Variants in FASN observed in about 807,000 individuals in gnomAD.
The protein encoded by FASN is fatty acid synthase.
FASN carries 50 observed loss-of-function variants against 250.0 expected under a neutral mutation model. The observed-to-expected ratio is 0.20, with a 90% confidence interval of 0.16 to 0.25. FASN has a LOEUF of 0.25. Among genes scored for constraint, FASN ranks in the 10% least tolerant of loss-of-function variants. The pLI, the probability that FASN is intolerant of heterozygous loss-of-function variation, is 1.00. For synonymous variants in FASN, 1,909 were observed against 1,584.0 expected, an observed-to-expected ratio of 1.21 and a Z score of -4.87; for missense variants, 3,031 against 3,498.5, an observed-to-expected ratio of 0.87 and a Z score of 3.37.
intron 41 of FASN, 46 bp from the exon 42 acceptor site, chr17:82,079,654 C>A (rs369808042): frequency 6.3e-7 from 1 of 1,593,818 alleles, no homozygotes; most frequent in Non-Finnish European, 8.5e-7. Context: ...CCCACAGCAC[C>A]GGCCTGCCCT....
chr17:82,091,120 T>C (rs370619504), intron 9 of FASN, 51 bp from the exon 10 acceptor site: 326 of 1,605,930 alleles, frequency 2.0e-4, no homozygotes, highest in Non-Finnish European at 2.6e-4. Context: ...TGCCACTGTG[T>C]GCCCATCCCC....
At position 82,091,624 on chromosome 17, in the gene FASN, G is replaced by T; in HGVS notation, c.1090C>A (p.Pro364Thr). Residue 364 changes from proline (P) to threonine (T), a missense_variant, in exon 9 of 43, where the codon CCT (proline) becomes ACT (threonine). Physicochemically the swap from Pro to Thr is conservative, Grantham distance 38. Coordinates refer to ENST00000306749, the MANE Select transcript of FASN (RefSeq NM_004104.5). ...CCATCCAACAGCGCTGGGATCTCAG[G>T]GTTGGGGCTATGGAAGTGCAGGTTG... ...APNLHFHSPN[P>T]EIPALLDGRL... The T allele has an allele frequency of 6.3e-7, 1 of 1,597,112 alleles. No individual in the cohort carries two copies. The highest frequency in any genetic ancestry group is 8.5e-7 in the Non-Finnish European group (1 of 1,173,604).
In FASN at chr17:82,093,203, G is replaced by A. The variant is rs377395035; in HGVS notation, c.655+16C>T. Reference sequence around the variant, plus strand: ...CCACTGTCCCGCCTGCCCTGGCCGCGCAGCCGCACACTCACCCGCTGTGTC... The same window carrying A: ...CCACTGTCCCGCCTGCCCTGGCCGCACAGCCGCACACTCACCCGCTGTGTC... On this transcript the variant is annotated intron_variant, in intron 5 of 42. Coordinates refer to ENST00000306749, the MANE Select transcript of FASN (RefSeq NM_004104.5). 86 of 1,564,088 alleles carry A rather than the reference G, an allele frequency of 5.5e-5. 1 individual carries two copies. Among genetic ancestry groups the A allele is most frequent in the Admixed American group, 4.9e-4 (26 of 52,866 alleles).
rs1250412783 is a variant in FASN at position 82,083,754 on chromosome 17, G to A, written c.5218+18C>T. On this transcript the variant is annotated intron_variant, in intron 30 of 42. Transcript: ENST00000306749. ...GAGGCTAGGCAGGAGGCAGGTGGGG[G>A]CTGTGGGGGCCACTCACCCTTCCCG... is the stretch of plus-strand genomic sequence containing the variant. 3 of 1,611,106 alleles carry A rather than the reference G, an allele frequency of 1.9e-6. No homozygotes were observed. The highest frequency in any genetic ancestry group is 4.5e-5 in the East Asian group (2 of 44,862).
At chr17:82,095,061 ACCAGCC>A (rs936364164) in intron 3 of FASN, among the ~76,000 whole-genome samples, 1 of 152,164 alleles carries the variant, frequency 6.6e-6, no homozygotes, top group African/African-American at 2.4e-5. Flanking sequence ...CGGCCCCAGC[ACCAGCC>A]AGACATCAGA....
chr17:82,081,261 C>T lies in FASN; in HGVS notation c.6498G>A (p.Leu2166=). The T allele has an allele frequency of 6.4e-7, 1 of 1,572,110 alleles. No individual in the cohort carries two copies. The highest frequency in any genetic ancestry group is 8.6e-7 in the Non-Finnish European group (1 of 1,159,092). Residue 2166 remains leucine (L), a synonymous_variant, in exon 38 of 43, where the codon CTG becomes CTA. Coordinates refer to ENST00000306749, the MANE Select transcript of FASN (RefSeq NM_004104.5). ...ACAGCACCAGGTTGAGCTCACGCTC[C>T]AGCGTCTGGCGCACCTCCACGCTCA... The part of the protein sequence containing the change: ...SLMSVEVRQT[L]ERELNLVLSV...
chr17:82,084,825 GC>G lies in FASN; in HGVS notation c.4537del (p.Ala1513LeufsTer21), dbSNP rs996569586. 1.9e-6 allele frequency: 3 copies of G among 1,550,218 alleles called. No individual in the cohort carries two copies. On this transcript the variant is annotated frameshift_variant, in exon 26 of 43. Transcript: ENST00000306749. LOFTEE classifies it high-confidence loss of function. ...CTCCTCCAGCAGGAAGTGGCGGAAA[GC>G]CCCCCAGGCCCCGTCGCGGTAGACG... ...MNVYRDGAWG[A>X]FRHFLLEEDK...
rs143566258 is a variant in FASN, at chr17:82,084,664, C to G, written c.4617G>C (p.Gly1539=). The change falls in exon 27 of 43, where the codon GGG becomes GGC. Residue 1539 remains glycine, a synonymous_variant. Transcript: ENST00000306749. ...AGACCCAGCGGATGGAGGACAGGTC[C>G]CCCCGGGTGAGGGTGCTCACAAAGG... ...AHAFVSTLTR[G]DLSSIRWVCS... The G allele has an allele frequency of 1.2e-3, 1,865 of 1,588,948 alleles. 17 individuals carry two copies. In the African/African-American group the frequency reaches 0.022, roughly 19 times the overall value.
rs771582481 is a variant in FASN at position 82,085,723 on chromosome 17, T to C, written c.3881A>G (p.Gln1294Arg). 8.3e-6 allele frequency: 13 copies of C among 1,566,360 alleles called. No homozygotes were observed. The East Asian group carries it at 2.9e-4, about 34-fold the overall frequency. ...QAELQQHDVA[Q>R]GQWDPADPAP... ...AGGGTCTGCGGGATCCCACTGGCCC[T>C]GGGCAACGTCGTGCTGCTGCAGCTC... is the stretch of plus-strand genomic sequence containing the variant. The change falls in exon 23 of 43, where the codon CAG (glutamine) becomes CGG (arginine). Residue 1294 changes from glutamine to arginine, a missense_variant. Transcript: ENST00000306749.
At chr17:82,082,783 C>T in intron 33 of FASN, 105 bp from the exon 34 acceptor site, 5 of 1,544,388 alleles carry the variant, frequency 3.2e-6, no homozygotes, top group Non-Finnish European at 4.4e-6. Flanking sequence ...ATCCAGCAAG[C>T]CCCCCACAAG....
At chr17:82,092,834 G>A (rs373152884) in intron 6 of FASN, 22 bp from the exon 7 acceptor site, 3 of 1,585,648 alleles carry the variant, frequency 1.9e-6, no homozygotes, top group East Asian at 4.6e-5. Context: ...TCGGCTCAGT[G>A]CTGCAGCCCC....
At chr17:82,083,161 A>G (rs1046306896) in intron 32 of FASN, 41 bp downstream of exon 32, 1 of 1,611,050 alleles carries the variant, frequency 6.2e-7, no homozygotes, top group Admixed American at 1.7e-5. Flanking sequence ...CCTGGGGACC[A>G]GAGCCTGGGG....
chr17:82,081,384 G>C (rs1598573051), intron 37 of FASN, 32 bp from the exon 38 acceptor site: 2 of 1,560,364 alleles, frequency 1.3e-6, no homozygotes, highest in African/African-American at 2.7e-5. Flanking sequence ...GGCAACTCCA[G>C]AGGGGGCATG....
Position 82,089,098 on chromosome 17 carries a change from G to A in FASN, c.2175C>T (p.Ser725=), listed in dbSNP as rs201439543. ...TSIPEAQWHS[S]LARTSSAEYN... is the part of the protein sequence containing the mutation. ...ACTCGGCGGAGGACGTGCGTGCCAG[G>A]CTGCTGTGCCACTGGGCCTCGGGGA... Residue 725 remains serine (S), a synonymous_variant, in exon 14 of 43, where the codon AGC becomes AGT. Transcript: ENST00000306749. 10 of 1,572,412 alleles carry A rather than the reference G, an allele frequency of 6.4e-6. No homozygotes were observed. The Admixed American group carries it at 1.9e-4, about 29-fold the overall frequency.
Position 82,090,496 on chromosome 17 carries a change from C to T in FASN, c.1749G>A (p.Gly583=), listed in dbSNP as rs757321778. ...RPDGIVGHSL[G]EVACGYADGC... is the part of the protein sequence containing the mutation. ...CGTCGGCGTAGCCACAGGCCACCTC[C>T]CCCAGGGAGTGGCCGACGATGCCAT... The change falls in exon 11 of 43, where the codon GGG becomes GGA. Residue 583 remains glycine, a synonymous_variant. Coordinates refer to ENST00000306749, the MANE Select transcript of FASN (RefSeq NM_004104.5). 5 of 1,611,260 alleles carry T rather than the reference C, an allele frequency of 3.1e-6. No homozygotes were observed. In the East Asian group the frequency reaches 8.9e-5, roughly 29 times the overall value.
In FASN at chr17:82,088,851, G is replaced by C. The variant is rs554712541; in HGVS notation, c.2330C>G (p.Pro777Arg). ...LQAVLKRGLK[P>R]SCTIIPLMKK... ...CATCAGGGGGATGATGGTGCAGCTC[G>C]GCTTCAGGCCACGCTTCAGGACAGC... Residue 777 changes from proline to arginine, a missense_variant, in exon 15 of 43, where the codon CCG becomes CGG. Physicochemically the swap from Pro to Arg is moderately radical, Grantham distance 103 (BLOSUM62 -2). Coordinates refer to ENST00000306749, the MANE Select transcript of FASN (RefSeq NM_004104.5). 15 of 1,612,428 alleles carry C rather than the reference G, an allele frequency of 9.3e-6. No individual in the cohort carries two copies. Among genetic ancestry groups the C allele is most frequent in the Non-Finnish European group, 1.1e-5 (13 of 1,179,818 alleles).
chr17:82,092,560 G>A lies in FASN; in HGVS notation c.924C>T (p.Ile308=), dbSNP rs1185055678. ...KVGDPQELNG[I]TRALCATRQE... is the part of the protein sequence containing the mutation. ...GGCGGGTGGCGCACAGGGCTCGGGTGATGCCATTCAGCTCCTGGGGGTCGC... is the reference window on the plus strand; with the variant it reads ...GGCGGGTGGCGCACAGGGCTCGGGTAATGCCATTCAGCTCCTGGGGGTCGC... Residue 308 remains isoleucine (I), a synonymous_variant, in exon 8 of 43, where the codon ATC becomes ATT. Transcript: ENST00000306749. 1.2e-6 allele frequency: 2 copies of A among 1,607,182 alleles called. No individual in the cohort carries two copies. Among genetic ancestry groups the A allele is most frequent in the African/African-American group, 1.3e-5 (1 of 74,870 alleles).
chr17:82,082,500 A>G (rs1359303577), intron 34 of FASN, 27 bp downstream of exon 34: 2 of 1,609,692 alleles, frequency 1.2e-6, no homozygotes, highest in African/African-American at 2.7e-5. Flanking sequence ...GGGGCTTTTG[A>G]GGGCCCCATT....
intron 3 of FASN, chr17:82,094,222 A>G: frequency 3.6e-6 from 1 of 274,872 alleles, no homozygotes; most frequent in Non-Finnish European, 7.2e-6. Context: ...GGAACCGAGG[A>G]GACAAAGGCC....
Sources: allele counts gnomAD v4.1 joint callset (sites outside exome capture counted in the v4.1 genomes callset), GRCh38; gene constraint gnomAD v4.1.1; transcripts MANE v1.5; gene names NCBI Gene and HGNC (gene_info 2026-07-23, HGNC 2026-07-21).